Variants in HDX observed in about 807,000 individuals in gnomAD.
The protein encoded by HDX is chromosome X open reading frame 43.
In HDX, 19 loss-of-function variants were observed where a neutral mutation model predicts 45.2. That is an observed-to-expected ratio of 0.42 (90% CI 0.29 to 0.62). HDX has a LOEUF of 0.62. Among genes scored for constraint, HDX ranks in the 20% least tolerant of loss-of-function variants. The probability of loss-of-function intolerance (pLI) is 0.20; values close to 1 mark genes in which losing one functional copy is unlikely to be tolerated. For missense variants in HDX, 532 were observed against 493.9 expected, an observed-to-expected ratio of 1.08 and a Z score of -0.73; for synonymous variants, 188 against 172.8, an observed-to-expected ratio of 1.09 and a Z score of -0.69.
chrX:84,398,856 T>C (rs777436827), intron 5 of HDX, among the ~76,000 whole-genome samples: 9 of 111,299 alleles, frequency 8.1e-5, no homozygotes, highest in South Asian at 3.8e-4. Context: ...ACTGAAATCA[T>C]AAAAAACAGT....
At chrX:84,326,032 G>A in intron 10 of HDX, 146 bp downstream of exon 10, 1 of 534,259 alleles carries the variant, frequency 1.9e-6, no homozygotes, top group Non-Finnish European at 3.1e-6. Context: ...CAAGAAAACT[G>A]TTTGCAAAGG....
At chrX:84,481,291 ATTAGTT>A (rs1447748733) in intron 2 of HDX, among the ~76,000 whole-genome samples, 2 of 111,099 alleles carry the variant, frequency 1.8e-5, no homozygotes, top group African/African-American at 3.3e-5. Flanking sequence ...TTTTAGTTTC[ATTAGTT>A]TTGTCTATTG....
intron 3 of HDX, among the ~76,000 whole-genome samples, chrX:84,471,280 G>C (rs1322001018): frequency 9.2e-6 from 1 of 108,678 alleles, no homozygotes; most frequent in African/African-American, 3.3e-5. Context: ...TAGATAGATA[G>C]ATAGATTTTC....
At chrX:84,436,968 G>GTCTA (rs1432445551) in intron 5 of HDX, among the ~76,000 whole-genome samples, 2 of 110,409 alleles carry the variant, frequency 1.8e-5, no homozygotes, top group African/African-American at 6.6e-5. Flanking sequence ...TTGTATTACA[G>GTCTA]TCTATCTGTC....
At chrX:84,498,564 A>G (rs1221204741) in intron 1 of HDX, among the ~76,000 whole-genome samples, 6 of 111,789 alleles carry the variant, frequency 5.4e-5, no homozygotes, top group Non-Finnish European at 7.5e-5. Flanking sequence ...AACAATTCAA[A>G]TTTTATTTAT....
chrX:84,461,722 A>G (rs1360364591), intron 4 of HDX, among the ~76,000 whole-genome samples: 2 of 111,675 alleles, frequency 1.8e-5, no homozygotes, highest in Non-Finnish European at 3.8e-5. Context: ...AACAAAGTGA[A>G]GAGACAACAC....
intron 9 of HDX, among the ~76,000 whole-genome samples, chrX:84,333,031 A>G (rs1356452506): frequency 9.0e-6 from 1 of 111,444 alleles, no homozygotes; most frequent in Non-Finnish European, 1.9e-5. Context: ...CTCTGCTTTG[A>G]ACACTAATGA....
chrX:84,329,655 A>G (rs1236770768), intron 9 of HDX, among the ~76,000 whole-genome samples: 1 of 112,216 alleles, frequency 8.9e-6, no homozygotes, highest in Admixed American at 9.5e-5. Context: ...TGTATACTTA[A>G]GAAGATGAAT....
At chrX:84,375,445 T>C (rs1432692814) in intron 5 of HDX, among the ~76,000 whole-genome samples, 4 of 111,610 alleles carry the variant, frequency 3.6e-5, no homozygotes, top group Non-Finnish European at 7.5e-5. Context: ...CACATGCACA[T>C]GTATGTTTAT....
chrX:84,461,091 A>G (rs5922053), intron 4 of HDX, among the ~76,000 whole-genome samples: 26,008 of 110,838 alleles, frequency 0.23, 2,812 homozygotes, highest in Middle Eastern at 0.34. Flanking sequence ...TAAGGTGTCT[A>G]TACTATGTAA....
At chrX:84,356,295 C>T (rs928033913) in intron 6 of HDX, among the ~76,000 whole-genome samples, 12 of 111,737 alleles carry the variant, frequency 1.1e-4, no homozygotes, top group African/African-American at 3.6e-4. Flanking sequence ...AAGAGGTCCT[C>T]TTAAAACATA....
intron 7 of HDX, among the ~76,000 whole-genome samples, 196 bp downstream of exon 7, chrX:84,344,053 TG>T (rs1399588868): frequency 9.0e-6 from 1 of 111,664 alleles, no homozygotes; most frequent in East Asian, 2.8e-4. Context: ...AGATTATTAT[TG>T]TTGTTGATGA....
At chrX:84,437,551 T>C (rs1487398601) in intron 5 of HDX, among the ~76,000 whole-genome samples, 1 of 111,420 alleles carries the variant, frequency 9.0e-6, no homozygotes, top group Non-Finnish European at 1.9e-5. Flanking sequence ...GGTGTTATTT[T>C]CATCTGCTTG....
chrX:84,433,998 G>A (rs372984735), intron 5 of HDX, among the ~76,000 whole-genome samples: 4 of 111,005 alleles, frequency 3.6e-5, no homozygotes, highest in East Asian at 2.8e-4. Flanking sequence ...TGTTGTTTAC[G>A]CATAAAAATG....
At chrX:84,454,509 A>G (rs147576742) in intron 4 of HDX, among the ~76,000 whole-genome samples, 1 of 111,233 alleles carries the variant, frequency 9.0e-6, no homozygotes, top group East Asian at 2.9e-4. Flanking sequence ...AAAGTAGGGA[A>G]GAGTTGACAG....
intron 5 of HDX, among the ~76,000 whole-genome samples, chrX:84,364,125 T>C (rs1403658158): frequency 9.0e-6 from 1 of 111,593 alleles, no homozygotes; most frequent in African/African-American, 3.3e-5. Context: ...AACACCGATA[T>C]AGGGATGCAG....
chrX:84,335,653 T>G (rs1780070756), intron 8 of HDX, among the ~76,000 whole-genome samples: 1 of 111,232 alleles, frequency 9.0e-6, no homozygotes, highest in African/African-American at 3.3e-5. Context: ...TGGTGGAATT[T>G]AAGATGAGCA....
intron 5 of HDX, among the ~76,000 whole-genome samples, chrX:84,410,046 C>A (rs1415064922): frequency 2.8e-5 from 2 of 72,248 alleles, no homozygotes; most frequent in Non-Finnish European, 5.2e-5. Context: ...GAGCAAGACT[C>A]TGTCTCAAAA....
intron 5 of HDX, among the ~76,000 whole-genome samples, chrX:84,415,871 T>C (rs1485682758): frequency 8.9e-6 from 1 of 111,892 alleles, no homozygotes; most frequent in African/African-American, 3.3e-5. Context: ...AATAGAACGT[T>C]AAAAACAGTG....
Sources: allele counts gnomAD v4.1 joint callset (sites outside exome capture counted in the v4.1 genomes callset), GRCh38; gene constraint gnomAD v4.1.1; transcripts MANE v1.5; gene names NCBI Gene and HGNC (gene_info 2026-07-23, HGNC 2026-07-21).